PDS5B: variants seen among roughly 807,000 people sequenced by gnomAD.
PDS5B encodes the protein PDS5 cohesin associated factor B, also known as sister chromatid cohesion protein PDS5 homolog B.
A neutral mutation model predicts 184.1 loss-of-function variants in PDS5B; 51 were observed. The ratio of observed to expected loss-of-function variants is 0.28; its 90% confidence interval spans 0.22 to 0.35. The LOEUF (loss-of-function observed/expected upper bound fraction) is 0.35, where lower values mean the gene tolerates loss of function less well. Among genes scored for constraint, PDS5B ranks in the 10% least tolerant of loss-of-function variants. PDS5B has a pLI of 1.00. For missense variants in PDS5B, 1,180 were observed against 1,723.3 expected (o/e 0.68, Z 5.58); for synonymous variants, 566 against 569.2 (o/e 0.99, Z 0.08).
In PDS5B at chr13:32,701,447, A is replaced by C; in HGVS notation, c.1856+9A>C. 6.8e-7 allele frequency: 1 copy of C among 1,479,358 alleles called. No individual in the cohort carries two copies. Among genetic ancestry groups the C allele is most frequent in the South Asian group, 1.2e-5 (1 of 85,604 alleles). 91.6% of individuals were successfully genotyped at this position (1,479,358 alleles called of 1,614,324 possible). On this transcript the variant is annotated intron_variant, in intron 17 of 34. Coordinates refer to ENST00000315596, the MANE Select transcript of PDS5B (RefSeq NM_015032.4). ...GATACCGAATCTATCAGGTATTTGT[A>C]TATAAAATACTAAGTTCTCATTGCT... is the stretch of plus-strand genomic sequence containing the variant.
At chr13:32,722,581 T>C (rs938356131) in intron 19 of PDS5B, among the ~76,000 whole-genome samples, 1 of 152,234 alleles carries the variant, frequency 6.6e-6, no homozygotes, top group Non-Finnish European at 1.5e-5. Flanking sequence ...TCTATGATGT[T>C]CTCACAACAA....
At chr13:32,751,888 G>A (rs558136286) in intron 24 of PDS5B, among the ~76,000 whole-genome samples, 3 of 152,126 alleles carry the variant, frequency 2.0e-5, no homozygotes, top group African/African-American at 7.2e-5. Context: ...TAGATGTTTG[G>A]TATTTTGATA....
intron 15 of PDS5B, among the ~76,000 whole-genome samples, 182 bp from the exon 16 acceptor site, chr13:32,699,548 A>T (rs646756): frequency 6.6e-6 from 1 of 152,046 alleles, no homozygotes. Flanking sequence ...TTATATTTCT[A>T]GAAAATATAT....
chr13:32,598,629 A>T lies in PDS5B; in HGVS notation c.-20+12036A>T, dbSNP rs2057918315. On this transcript the variant is annotated intron_variant, in intron 1 of 34. Transcript: ENST00000315596. The stretch of plus-strand genomic sequence containing the variant: ...AGGACTACAGGCACATGCCACCAAG[A>T]ATTTCCTTTAATGTTGCATAATGCA... Among the ~76,000 whole-genome samples, 7 of 152,170 alleles carry T rather than the reference A, an allele frequency of 4.6e-5. No individual in the cohort carries two copies. In the South Asian group the frequency reaches 1.5e-3, roughly 32 times the overall value.
intron 33 of PDS5B, chr13:32,770,966 A>G (rs1399943367): frequency 1.6e-5 from 9 of 559,386 alleles, no homozygotes; most frequent in African/African-American, 5.7e-5. Flanking sequence ...GCAAATCTTC[A>G]TAAATGAATA....
chr13:32,648,751 CA>C lies in PDS5B; in HGVS notation c.-19-2del. ...TTTGCATCTAATAGTTTTCTTGTTT[CA>C]GGGGTAGAAATATTTCTGTCATGGC... On this transcript the variant is annotated splice_acceptor_variant, in intron 1 of 34. Transcript: ENST00000315596. LOFTEE classifies it low-confidence loss of function (5UTR_SPLICE). 1 of 1,062,688 alleles carries C rather than the reference CA, an allele frequency of 9.4e-7. No homozygotes were observed. The highest frequency in any genetic ancestry group is 2.4e-5 in the East Asian group (1 of 42,210). The allele number at this position is 1,062,688 out of a possible 1,614,324, so 65.8% of individuals were successfully genotyped here. A position where few individuals can be genotyped will look rare whatever the true frequency, so the allele number is the denominator to read the frequency against.
At chr13:32,709,870 C>T (rs527685131) in intron 18 of PDS5B, 76 bp from the exon 19 acceptor site, 1 of 833,362 alleles carries the variant, frequency 1.2e-6, no homozygotes, top group African/African-American at 1.8e-5. Context: ...TATAGTATTT[C>T]TAATATGTAA....
intron 6 of PDS5B, among the ~76,000 whole-genome samples, chr13:32,666,037 C>A (rs1193027802): frequency 2.0e-5 from 3 of 152,054 alleles, no homozygotes; most frequent in Non-Finnish European, 4.4e-5. Flanking sequence ...TTAAGGAGTA[C>A]AAAAATACAG....
chr13:32,598,425 C>T (rs976938318), intron 1 of PDS5B, among the ~76,000 whole-genome samples: 1 of 152,016 alleles, frequency 6.6e-6, no homozygotes, highest in African/African-American at 2.4e-5. Context: ...CAGATACCCT[C>T]TCTCCTTTTT....
chr13:32,630,394 G>C (rs1222652462), intron 1 of PDS5B, among the ~76,000 whole-genome samples: 1 of 152,098 alleles, frequency 6.6e-6, no homozygotes, highest in African/African-American at 2.4e-5. Flanking sequence ...GATGGTGATG[G>C]TGTGCATGCC....
At chr13:32,659,378 C>T (rs1950589296) in intron 6 of PDS5B, 98 bp downstream of exon 6, 1 of 835,872 alleles carries the variant, frequency 1.2e-6, no homozygotes, top group South Asian at 4.0e-5. Context: ...CTGCTTTAAT[C>T]TTTTAGAGAA....
At chr13:32,712,322 C>G (rs1040704162) in intron 19 of PDS5B, among the ~76,000 whole-genome samples, 2 of 152,134 alleles carry the variant, frequency 1.3e-5, no homozygotes, top group African/African-American at 4.8e-5. Flanking sequence ...TCAGATACTT[C>G]TCATGAGGAG....
At position 32,775,097 on chromosome 13, in the gene PDS5B, CTTTT is replaced by C. The variant is rs368080614; in HGVS notation, c.*57_*60del. 3.7e-5 allele frequency: 32 copies of C among 864,502 alleles called. No individual in the cohort carries two copies. The highest frequency in any genetic ancestry group is 4.1e-5 in the African/African-American group (2 of 49,370). The allele number at this position is 864,502 out of a possible 1,614,324, so 53.6% of individuals were successfully genotyped here. A position where few individuals can be genotyped will look rare whatever the true frequency, so the allele number is the denominator to read the frequency against. On this transcript the variant is annotated 3_prime_UTR_variant, in exon 35 of 35. Coordinates refer to ENST00000315596, the MANE Select transcript of PDS5B (RefSeq NM_015032.4). ...TTCTCTGTGAAAGCTTTGGAAAAAT[CTTTT>C]TTTTTTTTTTTGGTCAAGCTTGAGG...
intron 1 of PDS5B, among the ~76,000 whole-genome samples, chr13:32,597,561 C>T: frequency 6.6e-6 from 1 of 150,826 alleles, no homozygotes; most frequent in South Asian, 2.1e-4. Flanking sequence ...CGCAGTGGCC[C>T]ATGCCTGTAA....
intron 1 of PDS5B, among the ~76,000 whole-genome samples, chr13:32,606,384 G>C (rs1048795798): frequency 6.6e-6 from 1 of 152,162 alleles, no homozygotes; most frequent in Non-Finnish European, 1.5e-5. Flanking sequence ...TAAGAATGTT[G>C]AATATTGGCC....
chr13:32,701,123 T>C, intron 16 of PDS5B, 200 bp from the exon 17 acceptor site: 2 of 452,564 alleles, frequency 4.4e-6, no homozygotes, highest in Non-Finnish European at 8.0e-6. Context: ...AGTCTACCTT[T>C]TCCCTGATTA....
chr13:32,693,361 A>T (rs1951608243), intron 13 of PDS5B, among the ~76,000 whole-genome samples: 1 of 151,894 alleles, frequency 6.6e-6, no homozygotes, highest in Non-Finnish European at 1.5e-5. Context: ...CCAAATTTGA[A>T]CTGGTTTATC....
intron 19 of PDS5B, among the ~76,000 whole-genome samples, chr13:32,711,503 C>G (rs2140896559): frequency 6.6e-6 from 1 of 152,136 alleles, no homozygotes; most frequent in African/African-American, 2.4e-5. Context: ...AATTACAGGC[C>G]TGCACCACCA....
At chr13:32,758,327 A>G (rs894314532) in intron 27 of PDS5B, 108 bp downstream of exon 27, 163 of 1,028,458 alleles carry the variant, frequency 1.6e-4, no homozygotes, top group South Asian at 2.1e-4. Flanking sequence ...AATTTTTTCT[A>G]TTAGTAATTA....
Sources: allele counts gnomAD v4.1 joint callset (sites outside exome capture counted in the v4.1 genomes callset), GRCh38; gene constraint gnomAD v4.1.1; transcripts MANE v1.5; gene names NCBI Gene and HGNC (gene_info 2026-07-23, HGNC 2026-07-21).